The following EXT1 variants were observed in gnomAD, a reference collection of about 807,000 sequenced individuals.
The protein encoded by EXT1 is exostosin-1.
Under a neutral mutation model 82.5 loss-of-function variants are expected in EXT1, and 20 were observed. That is an observed-to-expected ratio of 0.24 (90% CI 0.17 to 0.35). EXT1 has a LOEUF of 0.35. EXT1 is among the 10% of genes least tolerant of loss of function. The pLI, the probability that EXT1 is intolerant of heterozygous loss-of-function variation, is 1.00. For synonymous variants in EXT1, 348 were observed against 350.8 expected (o/e 0.99, Z 0.09); for missense variants, 757 against 936.5 (o/e 0.81, Z 2.50).
chr8:117,827,570 T>C (rs1812026932), intron 4 of EXT1, among the ~76,000 whole-genome samples: 1 of 151,942 alleles, frequency 6.6e-6, no homozygotes, highest in Admixed American at 6.6e-5. Flanking sequence ...ATCCCAGCAC[T>C]TTGGGAGGCC....
chr8:118,022,787 A>G (rs528144805), intron 1 of EXT1, among the ~76,000 whole-genome samples: 1 of 152,350 alleles, frequency 6.6e-6, no homozygotes, highest in South Asian at 2.1e-4. Flanking sequence ...AGGTTAAAAG[A>G]AACAACCAAT....
chr8:117,925,943 T>G (rs548860845), intron 1 of EXT1, among the ~76,000 whole-genome samples: 2 of 152,166 alleles, frequency 1.3e-5, no homozygotes, highest in South Asian at 2.1e-4. Context: ...TTTTCATCCC[T>G]CATATCCTGC....
chr8:118,110,721 C>T lies in EXT1; in HGVS notation c.326G>A (p.Cys109Tyr). 2 of 1,614,156 alleles carry T rather than the reference C, an allele frequency of 1.2e-6. No homozygotes were observed. Among genetic ancestry groups the T allele is most frequent in the Non-Finnish European group, 1.7e-6 (2 of 1,180,042 alleles). ...GTAGACTTTGAAGCCGTTTTTCTTG[C>T]AAAGGGTGAAATCGAAGCAGGACTC... is the stretch of plus-strand genomic sequence containing the variant. ...RMESCFDFTL[C>Y]KKNGFKVYVY... The change falls in exon 1 of 11, where the codon TGC becomes TAC. Residue 109 changes from cysteine (C) to tyrosine (Y), a missense_variant. Around this residue, in one of 4 missense-constraint regions of EXT1, gnomAD observed 175 missense variants for 159.0 expected, o/e 1.10. Coordinates refer to ENST00000378204, the MANE Select transcript of EXT1 (RefSeq NM_000127.3).
chr8:117,948,866 T>C (rs955159324), intron 1 of EXT1, among the ~76,000 whole-genome samples: 5 of 152,262 alleles, frequency 3.3e-5, no homozygotes, highest in African/African-American at 1.2e-4. Flanking sequence ...TATCTACTTA[T>C]GTTTTGGGTT....
intron 1 of EXT1, among the ~76,000 whole-genome samples, chr8:117,969,539 T>C (rs1046003347): frequency 1.3e-5 from 2 of 152,220 alleles, no homozygotes; most frequent in African/African-American, 4.8e-5. Flanking sequence ...TCCAGCTTCA[T>C]CTTTATGGAG....
intron 1 of EXT1, among the ~76,000 whole-genome samples, chr8:117,942,399 T>C (rs553959462): frequency 6.6e-6 from 1 of 152,150 alleles, no homozygotes; most frequent in Non-Finnish European, 1.5e-5. Flanking sequence ...CAGAGGCTGG[T>C]AGGAGTAAAT....
chr8:117,829,569 C>CTTTTTTTTTTTTTTTT (rs35823668), intron 4 of EXT1, among the ~76,000 whole-genome samples: 7 of 96,876 alleles, frequency 7.2e-5, no homozygotes, highest in East Asian at 2.7e-4. Context: ...ATATATTTTT[C>CTTTTTTTTTTTTTTTT]TTTTTTTTTT....
rs894219354 is a variant in EXT1, at chr8:118,024,533, A to G, written c.962+85552T>C. Among the ~76,000 whole-genome samples, 616 of 152,138 alleles carry G rather than the reference A, an allele frequency of 4.0e-3. 1 individual carries two copies. The highest frequency in any genetic ancestry group is 7.1e-3 in the Non-Finnish European group (483 of 67,996). ...GATAAAACAGCTTTAAAAAAAAGAAAAAAAAAAACAGCTTCATTTCTGTCT... is the reference window on the plus strand; with the variant it reads ...GATAAAACAGCTTTAAAAAAAAGAAGAAAAAAAACAGCTTCATTTCTGTCT... On this transcript the variant is annotated intron_variant, in intron 1 of 10. Transcript: ENST00000378204.
intron 4 of EXT1, among the ~76,000 whole-genome samples, chr8:117,823,537 A>C (rs1811959913): frequency 6.6e-6 from 1 of 151,868 alleles, no homozygotes; most frequent in South Asian, 2.1e-4. Context: ...TCCTGCCGTA[A>C]GTTTTAAGAC....
intron 1 of EXT1, among the ~76,000 whole-genome samples, chr8:117,992,267 T>C (rs1349566591): frequency 2.0e-5 from 3 of 151,878 alleles, no homozygotes; most frequent in African/African-American, 4.8e-5. Flanking sequence ...CAAAGAAGAA[T>C]TACTGCCCCA....
In EXT1 at chr8:117,812,931, TGTC is replaced by T. The variant is rs755244604; in HGVS notation, c.1660_1662del (p.Asp554del). 6.2e-7 allele frequency: 1 copy of T among 1,613,952 alleles called. No individual in the cohort carries two copies. Among genetic ancestry groups the T allele is most frequent in the Non-Finnish European group, 8.5e-7 (1 of 1,179,954 alleles). On this transcript the variant is annotated inframe_deletion, in exon 8 of 11. Coordinates refer to ENST00000378204, the MANE Select transcript of EXT1 (RefSeq NM_000127.3). ...CTGAGCACGGCGTCTGTGATGATGT[TGTC>T]GTAGGGCAGAAAACGGCTGCTCATA...
chr8:118,000,390 C>A (rs1037898592), intron 1 of EXT1, among the ~76,000 whole-genome samples: 5 of 152,050 alleles, frequency 3.3e-5, no homozygotes, highest in African/African-American at 9.7e-5. Flanking sequence ...TGTCTCAAAG[C>A]CTTGCAGCCA....
chr8:118,109,913 T>C (rs1288097027), intron 1 of EXT1, among the ~76,000 whole-genome samples, 172 bp downstream of exon 1: 1 of 152,188 alleles, frequency 6.6e-6, no homozygotes, highest in African/African-American at 2.4e-5. Flanking sequence ...TCCAACTCTC[T>C]GTCCCCAGCC....
chr8:118,019,520 G>A (rs1489138271), intron 1 of EXT1, among the ~76,000 whole-genome samples: 1 of 152,168 alleles, frequency 6.6e-6, no homozygotes, highest in Non-Finnish European at 1.5e-5. Context: ...GGTAAATGGT[G>A]GGTCCAGATT....
rs538225757 is a variant in EXT1, at chr8:117,923,439, T to C, written c.963-86238A>G. Among the ~76,000 whole-genome samples the C allele has an allele frequency of 1.1e-4, 17 of 150,462 alleles. No homozygotes were observed. In the East Asian group the frequency reaches 2.4e-3, roughly 21 times the overall value. ...TGTTTACTTGACTTAAAGAAGCGGC[T>C]GGGCACGGTGGCTCACACCTGTAAT... On this transcript the variant is annotated intron_variant, in intron 1 of 10. Transcript: ENST00000378204.
At chr8:118,050,547 G>A (rs1440827222) in intron 1 of EXT1, among the ~76,000 whole-genome samples, 1 of 152,064 alleles carries the variant, frequency 6.6e-6, no homozygotes, top group Non-Finnish European at 1.5e-5. Context: ...AACGTTTTGG[G>A]CTTTACAAGC....
chr8:118,107,833 G>A (rs1817826779), intron 1 of EXT1, among the ~76,000 whole-genome samples: 1 of 152,158 alleles, frequency 6.6e-6, no homozygotes. Flanking sequence ...TAAACCTTTC[G>A]CAGCACCATC....
At chr8:118,084,444 G>T (rs538813253) in intron 1 of EXT1, among the ~76,000 whole-genome samples, 17 of 152,270 alleles carry the variant, frequency 1.1e-4, no homozygotes, top group African/African-American at 4.1e-4. Flanking sequence ...TGGGCTGCAG[G>T]CTCAAAGACT....
rs944601597 is a variant in EXT1 at position 118,111,323 on chromosome 8, G to C, written c.-277C>G. 1.7e-6 allele frequency: 1 copy of C among 599,286 alleles called. No individual in the cohort carries two copies. The highest frequency in any genetic ancestry group is 4.4e-4 in the Middle Eastern group (1 of 2,254). 37.1% of individuals were successfully genotyped at this position (599,286 alleles called of 1,614,324 possible). Reference sequence around the variant, plus strand: ...CTCGCACCCAGGGCGGGCGAGCAGCGGACTGTAATTTTCTTGCATGCAACA... The same window carrying C: ...CTCGCACCCAGGGCGGGCGAGCAGCCGACTGTAATTTTCTTGCATGCAACA... On this transcript the variant is annotated 5_prime_UTR_variant, in exon 1 of 11. Transcript: ENST00000378204.
Sources: allele counts gnomAD v4.1 joint callset (sites outside exome capture counted in the v4.1 genomes callset), GRCh38; gene constraint gnomAD v4.1.1; regional missense constraint gnomAD v4.1.1; transcripts MANE v1.5; gene names NCBI Gene and HGNC (gene_info 2026-07-23, HGNC 2026-07-21).